SLIT3: variants seen among roughly 807,000 people sequenced by gnomAD.
SLIT3 encodes the protein slit homolog 3 protein.
Under a neutral mutation model 184.0 loss-of-function variants are expected in SLIT3, and 68 were observed. The observed-to-expected ratio is 0.37, with a 90% CI of 0.30 to 0.45. The LOEUF is 0.45. SLIT3 is among the 20% of genes least tolerant of loss of function. The pLI is 1.00. For missense variants in SLIT3, 1,707 were observed against 2,026.0 expected (o/e 0.84, Z 3.02); for synonymous variants, 831 against 828.6 (o/e 1.00, Z -0.05).
intron 6 of SLIT3, among the ~76,000 whole-genome samples, chr5:168,828,745 GC>G (rs1203956352): frequency 1.4e-4 from 21 of 151,562 alleles, no homozygotes; most frequent in African/African-American, 5.1e-4. Context: ...ATATGCTCAA[GC>G]CCCTACTGAA....
At chr5:169,281,353 G>C (rs1004907560) in intron 1 of SLIT3, among the ~76,000 whole-genome samples, 1 of 152,140 alleles carries the variant, frequency 6.6e-6, no homozygotes, top group African/African-American at 2.4e-5. Flanking sequence ...ACGGGTGCCT[G>C]TAATCCCAGC....
intron 4 of SLIT3, among the ~76,000 whole-genome samples, chr5:169,022,462 C>T (rs1387995533): frequency 6.6e-6 from 1 of 152,146 alleles, no homozygotes; most frequent in African/African-American, 2.4e-5. Context: ...TTTTTGTGAA[C>T]AGGGAAAAGT....
chr5:169,201,881 A>T (rs1763912754), intron 3 of SLIT3, among the ~76,000 whole-genome samples: 1 of 152,230 alleles, frequency 6.6e-6, no homozygotes, highest in African/African-American at 2.4e-5. Context: ...GAACACTTGG[A>T]TATTTTGTTG....
At chr5:168,806,611 C>A in intron 8 of SLIT3, 24 bp from the exon 9 acceptor site, 1 of 1,612,872 alleles carries the variant, frequency 6.2e-7, no homozygotes, top group South Asian at 1.1e-5. Flanking sequence ...ACACAACGGT[C>A]AACTTATGTC....
intron 5 of SLIT3, among the ~76,000 whole-genome samples, chr5:168,862,376 T>C (rs1163052424): frequency 6.6e-6 from 1 of 152,098 alleles, no homozygotes; most frequent in African/African-American, 2.4e-5. Context: ...AAATAAGGTA[T>C]GGGCAGCAAA....
chr5:169,009,545 G>A (rs2113450866), intron 4 of SLIT3, among the ~76,000 whole-genome samples: 1 of 152,372 alleles, frequency 6.6e-6, no homozygotes, highest in South Asian at 2.1e-4. Flanking sequence ...AACCAGGGTT[G>A]TCATATTTGG....
chr5:169,296,781 T>G (rs1446900884), intron 1 of SLIT3, among the ~76,000 whole-genome samples: 1 of 152,228 alleles, frequency 6.6e-6, no homozygotes, highest in Non-Finnish European at 1.5e-5. Context: ...CCCGTTCTCC[T>G]TCGCAAACAG....
intron 3 of SLIT3, among the ~76,000 whole-genome samples, chr5:169,214,826 C>T (rs1028863083): frequency 2.6e-5 from 4 of 152,286 alleles, no homozygotes; most frequent in South Asian, 2.1e-4. Context: ...TCATGCTTCC[C>T]TCCTTTTCAC....
rs991996836 is a variant in SLIT3 at position 168,760,340 on chromosome 5, GC to G, written c.1685+521del. Among the ~76,000 whole-genome samples, 19 of 152,292 alleles carry G rather than the reference GC, an allele frequency of 1.2e-4. No homozygotes were observed. In the South Asian group the frequency reaches 1.9e-3, roughly 15 times the overall value. On this transcript the variant is annotated intron_variant, in intron 16 of 35. Coordinates refer to ENST00000519560, the MANE Select transcript of SLIT3 (RefSeq NM_003062.4). ...TGGAGAAGCCAACATAGGCAAGTGG[GC>G]CCTTGCCTAGGCCAAGGCATGGTCA... is the stretch of plus-strand genomic sequence containing the variant.
At chr5:169,265,156 A>AAAACAAAC (rs35338338) in intron 1 of SLIT3, among the ~76,000 whole-genome samples, 13,807 of 150,982 alleles carry the variant, frequency 0.091, 830 homozygotes, top group African/African-American at 0.17. Context: ...TCCATGCTCA[A>AAAACAAAC]AAACAAACAA....
chr5:168,665,795 C>G lies in SLIT3; in HGVS notation c.*659G>C, dbSNP rs948955793. 1.3e-5 allele frequency: 2 copies of G among 152,310 alleles called. No individual in the cohort carries two copies. The highest frequency in any genetic ancestry group is 4.8e-5 in the African/African-American group (2 of 41,434). The allele number at this position is 152,310 out of a possible 1,614,324, so 9.4% of individuals were successfully genotyped here. On this transcript the variant is annotated 3_prime_UTR_variant, in exon 36 of 36. Coordinates refer to ENST00000519560, the MANE Select transcript of SLIT3 (RefSeq NM_003062.4). ...ACCCTGAAGGGGGGTCTGGGACAGACAGGGACAGCAATATTTTTGAGTGGC... is the reference window on the plus strand; with the variant it reads ...ACCCTGAAGGGGGGTCTGGGACAGAGAGGGACAGCAATATTTTTGAGTGGC...
At chr5:169,023,973 G>C (rs1756707010) in intron 4 of SLIT3, 1 of 152,158 alleles carries the variant, frequency 6.6e-6, no homozygotes, top group African/African-American at 2.4e-5. Context: ...CTGCCAGCTG[G>C]TCATATTGGG....
intron 4 of SLIT3, among the ~76,000 whole-genome samples, chr5:168,916,562 C>T (rs1329960988): frequency 6.6e-6 from 1 of 152,234 alleles, no homozygotes. Context: ...GGTCAATGAC[C>T]AGTCATAAAC....
At chr5:169,173,215 C>T (rs142393717) in intron 4 of SLIT3, among the ~76,000 whole-genome samples, 2,227 of 152,192 alleles carry the variant, frequency 0.015, 33 homozygotes, top group Non-Finnish European at 0.024. Context: ...GAGCCAAGAT[C>T]GCGTCTTTGC....
intron 4 of SLIT3, among the ~76,000 whole-genome samples, chr5:169,141,357 C>T (rs1447369924): frequency 6.6e-6 from 1 of 151,988 alleles, no homozygotes; most frequent in Non-Finnish European, 1.5e-5. Context: ...ACCTCCCCAT[C>T]TTTGAAAAGG....
intron 4 of SLIT3, among the ~76,000 whole-genome samples, chr5:169,061,864 T>TC (rs1406426560): frequency 6.6e-6 from 1 of 151,916 alleles, no homozygotes; most frequent in East Asian, 1.9e-4. Flanking sequence ...ATAGAATCAT[T>TC]CCCCACCCCA....
At chr5:168,668,792 C>T (rs1317549858) in intron 35 of SLIT3, among the ~76,000 whole-genome samples, 2 of 152,196 alleles carry the variant, frequency 1.3e-5, no homozygotes, top group South Asian at 4.1e-4. Flanking sequence ...TGCTCAATGT[C>T]ATGCAGAGTT....
chr5:168,798,223 C>CTTTTTTTTTTTTTTTTTTTTTTTT (rs747746239), intron 9 of SLIT3, among the ~76,000 whole-genome samples: 7 of 109,022 alleles, frequency 6.4e-5, no homozygotes, highest in African/African-American at 2.3e-4. Context: ...TCTTCTTCTT[C>CTTTTTTTTTTTTTTTTTTTTTTTT]TTTTTTTTTT....
intron 4 of SLIT3, among the ~76,000 whole-genome samples, chr5:168,934,946 G>C (rs1304104571): frequency 6.7e-6 from 1 of 148,446 alleles, no homozygotes; most frequent in Admixed American, 6.7e-5. Flanking sequence ...TGGCCAACAC[G>C]GTGAAACCCC....
Sources: gnomAD v4.1 joint callset for allele counts (sites outside exome capture counted in the v4.1 genomes callset) on GRCh38, gnomAD v4.1.1 for gene constraint, MANE v1.5 for transcripts, NCBI Gene and HGNC (gene_info 2026-07-23, HGNC 2026-07-21) for gene names.